P2RX7: variants seen among roughly 807,000 people sequenced by gnomAD.
P2RX7 encodes the protein purinergic receptor P2X 7.
P2RX7 carries 62 observed loss-of-function variants against 71.6 expected under a neutral mutation model. The ratio of observed to expected loss-of-function variants is 0.87; its 90% CI spans 0.71 to 1.07. The LOEUF is 1.07. P2RX7 is among the 50% of genes least tolerant of loss of function. The probability of loss-of-function intolerance (pLI) is 0.00; values close to 1 mark genes in which losing one functional copy is unlikely to be tolerated. For missense variants in P2RX7, 686 were observed against 748.5 expected (o/e 0.92, Z 0.97); for synonymous variants, 299 against 283.3 (o/e 1.06, Z -0.56).
rs1183419023 is a variant in P2RX7, at chr12:121,184,623, G to A, written c.1609G>A (p.Asp537Asn). The stretch of plus-strand genomic sequence containing the variant: ...CTACCAGGAGCCCTTGCTGGCGCTG[G>A]ATGTGGATTCCACCAACAGCCGGCT... ...LLYQEPLLAL[D>N]VDSTNSRLRH... Residue 537 changes from aspartate to asparagine, a missense_variant, in exon 13 of 13, where the codon GAT (aspartate) becomes AAT (asparagine). Physicochemically the swap from Asp to Asn is conservative, Grantham distance 23 (BLOSUM62 1). Coordinates refer to ENST00000328963, the MANE Select transcript of P2RX7 (RefSeq NM_002562.6). 2 of 1,611,584 alleles carry A rather than the reference G, an allele frequency of 1.2e-6. No individual in the cohort carries two copies. The highest frequency in any genetic ancestry group is 1.7e-6 in the Non-Finnish European group (2 of 1,179,080).
At chr12:121,168,276 TTTTC>T (rs759551739) in intron 8 of P2RX7, among the ~76,000 whole-genome samples, 49 of 149,638 alleles carry the variant, frequency 3.3e-4, no homozygotes, top group Admixed American at 2.9e-3. Context: ...TTTTCTTTTC[TTTTC>T]TTTTTTTTTT....
intron 8 of P2RX7, among the ~76,000 whole-genome samples, chr12:121,169,203 G>C (rs1441384804): frequency 6.6e-6 from 1 of 152,174 alleles, no homozygotes; most frequent in Non-Finnish European, 1.5e-5. Flanking sequence ...CCTGGCTCAA[G>C]CAATCCGCCT....
intron 5 of P2RX7, 38 bp downstream of exon 5, chr12:121,162,558 C>A: frequency 6.2e-7 from 1 of 1,604,442 alleles, no homozygotes. Context: ...TGGCCCTCAG[C>A]GGCGACCAGA....
At chr12:121,168,353 C>T (rs142293368) in intron 8 of P2RX7, among the ~76,000 whole-genome samples, 23 of 151,886 alleles carry the variant, frequency 1.5e-4, no homozygotes, top group African/African-American at 5.5e-4. Context: ...CAGCTCACTG[C>T]AACCTCTGCC....
At position 121,165,337 on chromosome 12, in the gene P2RX7, T is replaced by C. The variant is rs1462120470; in HGVS notation, c.534-20T>C. On this transcript the variant is annotated intron_variant, in intron 5 of 12. Coordinates refer to ENST00000328963, the MANE Select transcript of P2RX7 (RefSeq NM_002562.6). The stretch of plus-strand genomic sequence containing the variant: ...GGTTCCCCCCGTCACTAATGGCCAT[T>C]TTGCATGTCTCTCTCCCAGGCCTGC... The C allele has an allele frequency of 6.2e-7, 1 of 1,609,678 alleles. No homozygotes were observed. The highest frequency in any genetic ancestry group is 1.3e-5 in the African/African-American group (1 of 74,762).
chr12:121,142,917 T>A (rs192035019), intron 1 of P2RX7, among the ~76,000 whole-genome samples: 4 of 151,774 alleles, frequency 2.6e-5, no homozygotes, highest in African/African-American at 9.7e-5. Flanking sequence ...GGTGAAACCC[T>A]GTCTCTACTA....
chr12:121,184,799 C>T lies in P2RX7; in HGVS notation c.1785C>T (p.Tyr595=), dbSNP rs1200271755. ...EGQYSGFKSP[Y] ...AGTACAGTGGCTTCAAGAGTCCTTA[C>T]TGAAGCCAGGCACCGTGGCTCACGT... The change falls in exon 13 of 13, where the codon TAC becomes TAT. Residue 595 remains tyrosine, a synonymous_variant. Coordinates refer to ENST00000328963, the MANE Select transcript of P2RX7 (RefSeq NM_002562.6). 1.3e-6 allele frequency: 2 copies of T among 1,535,662 alleles called. No individual in the cohort carries two copies. Among genetic ancestry groups the T allele is most frequent in the Middle Eastern group, 3.5e-4 (2 of 5,704 alleles).
chr12:121,184,443 T>C lies in P2RX7; in HGVS notation c.1429T>C (p.Cys477Arg). Residue 477 changes from cysteine to arginine, a missense_variant, in exon 13 of 13, where the codon TGC becomes CGC. Coordinates refer to ENST00000328963, the MANE Select transcript of P2RX7 (RefSeq NM_002562.6). ...TPRSRDSPVW[C>R]QCGSCLPSQL... is the part of the protein sequence containing the mutation. ...TAGATCCAGGGATAGCCCCGTCTGG[T>C]GCCAGTGTGGAAGCTGCCTCCCATC... 6.2e-7 allele frequency: 1 copy of C among 1,614,076 alleles called. No individual in the cohort carries two copies. The highest frequency in any genetic ancestry group is 8.5e-7 in the Non-Finnish European group (1 of 1,180,012).
At chr12:121,139,923 G>A (rs1208795396) in intron 1 of P2RX7, among the ~76,000 whole-genome samples, 1 of 152,064 alleles carries the variant, frequency 6.6e-6, no homozygotes, top group Non-Finnish European at 1.5e-5. Flanking sequence ...GTAGAGATGG[G>A]GTTCTGCTAT....
chr12:121,148,980 A>C lies in P2RX7; in HGVS notation c.126-5805A>C, dbSNP rs544665928. ...TACACTTTGGAGGCTCAGCCCTTTG[A>C]TGTTACCTTTGCGCTGGAAGCCCAG... On this transcript the variant is annotated intron_variant, in intron 1 of 12. Transcript: ENST00000328963. 63 of 480,454 alleles carry C rather than the reference A, an allele frequency of 1.3e-4. No homozygotes were observed. In the East Asian group the frequency reaches 3.2e-3, roughly 25 times the overall value. The allele number at this position is 480,454 out of a possible 1,614,324, so 29.8% of individuals were successfully genotyped here.
intron 9 of P2RX7, among the ~76,000 whole-genome samples, chr12:121,176,078 C>T (rs963361065): frequency 6.6e-6 from 1 of 152,130 alleles, no homozygotes; most frequent in Non-Finnish European, 1.5e-5. Context: ...AGACAAATGT[C>T]ATTGGCTCTG....
intron 1 of P2RX7, among the ~76,000 whole-genome samples, chr12:121,136,023 A>AAAAAAAAAAAAAAAAAATAT: frequency 1.3e-4 from 2 of 15,256 alleles, no homozygotes; most frequent in African/African-American, 2.5e-4. Context: ...AAAAAAAAAA[A>AAAAAAAAAAAAAAAAAATAT]ATATATATAT....
At chr12:121,163,853 T>C (rs1421133305) in intron 5 of P2RX7, among the ~76,000 whole-genome samples, 1 of 152,178 alleles carries the variant, frequency 6.6e-6, no homozygotes, top group African/African-American at 2.4e-5. Flanking sequence ...TTCAGGATCA[T>C]TCCCTCAGCA....
In P2RX7 at chr12:121,180,362, G is replaced by T. The variant is rs1184363467; in HGVS notation, c.1197G>T (p.Lys399Asn). Residue 399 changes from lysine to asparagine, a missense_variant, in exon 12 of 13, where the codon AAG (lysine) becomes AAT (asparagine). By Grantham distance (94) the Lys-to-Asn change is moderately conservative. Coordinates refer to ENST00000328963, the MANE Select transcript of P2RX7 (RefSeq NM_002562.6). ...AAACCATCTTTTCCTAGACATTAAA[G>T]TATGTGTCCTTTGTGGATGAATCCC... ...ESIVEPKPTL[K>N]YVSFVDESHI... 6.3e-7 allele frequency: 1 copy of T among 1,575,860 alleles called. No homozygotes were observed. Among genetic ancestry groups the T allele is most frequent in the Non-Finnish European group, 8.6e-7 (1 of 1,156,288 alleles).
In P2RX7 at chr12:121,133,058, A is replaced by C; in HGVS notation, c.88A>C (p.Lys30Gln). The C allele has an allele frequency of 6.2e-7, 1 of 1,614,136 alleles. No individual in the cohort carries two copies. The highest frequency in any genetic ancestry group is 2.2e-5 in the East Asian group (1 of 44,878). The change falls in exon 1 of 13, where the codon AAG (lysine) becomes CAG (glutamine). Residue 30 changes from lysine to glutamine, a missense_variant. Transcript: ENST00000328963. ...RIQSMNYGTI[K>Q]WFFHVIIFSY... ...CCAGAGCATGAATTATGGCACCATT[A>C]AGTGGTTCTTCCACGTGATCATCTT...
rs1593105246 is a variant in P2RX7, at chr12:121,167,754, C to T, written c.881+130C>T. The T allele has an allele frequency of 4.4e-6, 3 of 684,460 alleles. No homozygotes were observed. The East Asian group carries it at 9.8e-5, about 22-fold the overall frequency. 42.4% of individuals were successfully genotyped at this position (684,460 alleles called of 1,614,324 possible). A position where few individuals can be genotyped will look rare whatever the true frequency, so the allele number is the denominator to read the frequency against. On this transcript the variant is annotated intron_variant, in intron 8 of 12. Coordinates refer to ENST00000328963, the MANE Select transcript of P2RX7 (RefSeq NM_002562.6). ...ACTTTCTCTAAGAACTAGGTGATAA[C>T]TGAATTTTTTCCATAATTTTTTAAA... is the stretch of plus-strand genomic sequence containing the variant.
Position 121,177,097 on chromosome 12 carries a change from G to C in P2RX7, c.973-50G>C, listed in dbSNP as rs777212405. On this transcript the variant is annotated intron_variant, in intron 9 of 12. Transcript: ENST00000328963. ...CCAACAATTGCACGTTGAAGCAAAA[G>C]AGCGTTGCTCTGAATTTCACCTGAG... 3 of 1,528,326 alleles carry C rather than the reference G, an allele frequency of 2.0e-6. No homozygotes were observed. The Admixed American group carries it at 5.0e-5, about 26-fold the overall frequency. 94.7% of individuals were successfully genotyped at this position (1,528,326 alleles called of 1,614,324 possible).
intron 6 of P2RX7, 85 bp downstream of exon 6, chr12:121,165,522 A>G (rs889341363): frequency 1.9e-6 from 2 of 1,060,502 alleles, no homozygotes; most frequent in African/African-American, 3.1e-5. Context: ...GAAACAACAA[A>G]CGCCTATTGT....
intron 12 of P2RX7, among the ~76,000 whole-genome samples, 179 bp downstream of exon 12, chr12:121,180,634 C>A (rs1010353869): frequency 6.6e-6 from 1 of 152,076 alleles, no homozygotes; most frequent in African/African-American, 2.4e-5. Context: ...TTTATGCCCC[C>A]CTCCAATCAC....
Sources: gnomAD v4.1 joint callset for allele counts (sites outside exome capture counted in the v4.1 genomes callset) on GRCh38, gnomAD v4.1.1 for gene constraint, MANE v1.5 for transcripts, NCBI Gene and HGNC (gene_info 2026-07-23, HGNC 2026-07-21) for gene names.